The following CAMK1D variants were observed in gnomAD, a reference collection of about 807,000 sequenced individuals.
CAMK1D encodes the protein calcium/calmodulin-dependent protein kinase type 1D.
Under a neutral mutation model 47.7 loss-of-function variants are expected in CAMK1D, and 9 were observed. That is an observed-to-expected ratio of 0.19 (90% CI 0.11 to 0.33). The LOEUF is 0.33. CAMK1D is among the 10% of genes least tolerant of loss of function. The probability of loss-of-function intolerance (pLI) is 1.00; values close to 1 mark genes in which losing one functional copy is unlikely to be tolerated. For missense variants in CAMK1D, 291 were observed against 488.7 expected (o/e 0.60, Z 3.81); for synonymous variants, 184 against 184.9 (o/e 0.99, Z 0.04).
chr10:12,394,315 A>G (rs1171270395), intron 1 of CAMK1D, among the ~76,000 whole-genome samples: 1 of 151,906 alleles, frequency 6.6e-6, no homozygotes, highest in African/African-American at 2.4e-5. Flanking sequence ...AACTCCCCAG[A>G]CCTCTCCAAT....
rs1839785738 is a variant in CAMK1D at position 12,645,426 on chromosome 10, T to C, written c.225-21310T>C. Among the ~76,000 whole-genome samples the C allele has an allele frequency of 2.0e-5, 3 of 152,184 alleles. No individual in the cohort carries two copies. The South Asian group carries it at 6.2e-4, about 31-fold the overall frequency. ...AAACGTCAAATCGGCTTAAGTGACA[T>C]GTGGGATTCACTGGTTGACGTATCT... On this transcript the variant is annotated intron_variant, in intron 2 of 10. Transcript: ENST00000619168.
chr10:12,790,061 A>G (rs937966712), intron 5 of CAMK1D, among the ~76,000 whole-genome samples: 57 of 152,338 alleles, frequency 3.7e-4, no homozygotes, highest in African/African-American at 1.2e-3. Flanking sequence ...CAGGATCAGT[A>G]TAGAACAAGC....
chr10:12,618,203 A>G (rs1408211578), intron 2 of CAMK1D, among the ~76,000 whole-genome samples: 2 of 152,186 alleles, frequency 1.3e-5, no homozygotes, highest in Non-Finnish European at 2.9e-5. Flanking sequence ...TATCCACTAT[A>G]ATGGACTTGC....
At chr10:12,763,671 G>C (rs753367620) in intron 4 of CAMK1D, among the ~76,000 whole-genome samples, 3 of 152,150 alleles carry the variant, frequency 2.0e-5, no homozygotes, top group Non-Finnish European at 2.9e-5. Context: ...ATCCGCTGGG[G>C]GGCAAAATTG....
intron 1 of CAMK1D, among the ~76,000 whole-genome samples, chr10:12,542,558 C>G (rs1255110038): frequency 2.0e-5 from 3 of 152,162 alleles, no homozygotes; most frequent in Non-Finnish European, 2.9e-5. Context: ...GCTCCCAAAT[C>G]CCTGATTCTT....
chr10:12,689,775 CAA>C (rs59376242), intron 3 of CAMK1D, among the ~76,000 whole-genome samples: 34 of 136,338 alleles, frequency 2.5e-4, no homozygotes, highest in South Asian at 6.8e-4. Context: ...GACTCCACCT[CAA>C]AAAAAAAAAA....
At chr10:12,430,296 C>T (rs573852361) in intron 1 of CAMK1D, among the ~76,000 whole-genome samples, 81 of 152,238 alleles carry the variant, frequency 5.3e-4, no homozygotes, top group East Asian at 7.8e-4. Flanking sequence ...CAAATGAACA[C>T]GATCCGCTCT....
chr10:12,703,617 C>A (rs1010760448), intron 3 of CAMK1D, among the ~76,000 whole-genome samples: 3 of 152,148 alleles, frequency 2.0e-5, no homozygotes, highest in African/African-American at 2.4e-5. Context: ...GCCTGTAAAC[C>A]CAGCACTTTG....
chr10:12,586,630 A>C (rs1420234878), intron 2 of CAMK1D, among the ~76,000 whole-genome samples: 1 of 152,134 alleles, frequency 6.6e-6, no homozygotes, highest in Non-Finnish European at 1.5e-5. Context: ...CTTGAGAGTA[A>C]GTTGCTGTGT....
intron 1 of CAMK1D, among the ~76,000 whole-genome samples, chr10:12,515,030 A>T (rs1339639188): frequency 1.0e-3 from 143 of 136,362 alleles, no homozygotes; most frequent in Admixed American, 1.3e-3. Flanking sequence ...TTTTTTTTTT[A>T]TTTTTTATTT....
intron 2 of CAMK1D, among the ~76,000 whole-genome samples, chr10:12,574,575 C>T (rs1473025699): frequency 6.7e-6 from 1 of 148,630 alleles, no homozygotes; most frequent in African/African-American, 2.5e-5. Context: ...ACCTTGGCCT[C>T]CTAAAGTGCT....
rs562584790 is a variant in CAMK1D, at chr10:12,796,623, G to GC, written c.641+5394dup. Among the ~76,000 whole-genome samples, 99 of 152,202 alleles carry GC rather than the reference G, an allele frequency of 6.5e-4. No individual in the cohort carries two copies. In the South Asian group the frequency reaches 0.021, roughly 32 times the overall value. On this transcript the variant is annotated intron_variant, in intron 6 of 10. Transcript: ENST00000619168. ...AGAGAGAATGCAGCGTGGTCACCGA[G>GC]CCCCAAGCCCCGGGGGGTCGTGATG... is the stretch of plus-strand genomic sequence containing the variant.
intron 1 of CAMK1D, among the ~76,000 whole-genome samples, chr10:12,366,530 A>G (rs1326405923): frequency 6.6e-6 from 1 of 151,450 alleles, no homozygotes; most frequent in Non-Finnish European, 1.5e-5. Flanking sequence ...CTGGTAGCGC[A>G]TGCCTGTAAT....
At chr10:12,514,653 T>C (rs1446228918) in intron 1 of CAMK1D, among the ~76,000 whole-genome samples, 1 of 152,256 alleles carries the variant, frequency 6.6e-6, no homozygotes, top group Non-Finnish European at 1.5e-5. Flanking sequence ...CTTAGTTCCA[T>C]GGGTTCCCTG....
intron 3 of CAMK1D, among the ~76,000 whole-genome samples, chr10:12,731,160 G>C (rs1445795326): frequency 6.6e-6 from 1 of 152,212 alleles, no homozygotes; most frequent in Non-Finnish European, 1.5e-5. Context: ...ATCAAAGAAA[G>C]TGGAGAGAAT....
chr10:12,354,967 G>GA (rs1837465567), intron 1 of CAMK1D, among the ~76,000 whole-genome samples: 1 of 151,258 alleles, frequency 6.6e-6, no homozygotes, highest in African/African-American at 2.4e-5. Context: ...TGAACCTCCA[G>GA]AGTAGCCAGG....
chr10:12,586,548 A>G (rs1436419261), intron 2 of CAMK1D, among the ~76,000 whole-genome samples: 1 of 152,132 alleles, frequency 6.6e-6, no homozygotes, highest in Non-Finnish European at 1.5e-5. Context: ...TTTGTTAAAA[A>G]CAATACCCAT....
intron 10 of CAMK1D, among the ~76,000 whole-genome samples, chr10:12,828,366 C>T (rs1267575787): frequency 1.3e-5 from 2 of 151,926 alleles, no homozygotes; most frequent in East Asian, 1.9e-4. Flanking sequence ...GCAAGTTGGG[C>T]GCGGTGGCTC....
intron 5 of CAMK1D, among the ~76,000 whole-genome samples, chr10:12,770,798 A>T (rs1392169857): frequency 3.9e-5 from 6 of 152,138 alleles, no homozygotes; most frequent in Non-Finnish European, 7.3e-5. Flanking sequence ...CAGGAAGAGT[A>T]ACCAGTTTGT....
Sources: allele counts gnomAD v4.1 joint callset (sites outside exome capture counted in the v4.1 genomes callset), GRCh38; gene constraint gnomAD v4.1.1; transcripts MANE v1.5; gene names NCBI Gene and HGNC (gene_info 2026-07-23, HGNC 2026-07-21).